The following FAM184A variants were observed in gnomAD, a reference collection of about 807,000 sequenced individuals.
FAM184A encodes the protein protein FAM184A.
In FAM184A, 99 loss-of-function variants were observed where a neutral mutation model predicts 143.8. The ratio of observed to expected loss-of-function variants is 0.69; its 90% CI spans 0.58 to 0.81. The LOEUF is 0.81. Ranked by LOEUF, FAM184A falls within the 40% of genes least tolerant of loss-of-function variation. FAM184A has a pLI of 0.00. For missense variants in FAM184A, 1,217 were observed against 1,310.5 expected (o/e 0.93, Z 1.10); for synonymous variants, 427 against 446.4 (o/e 0.96, Z 0.55).
At chr6:118,976,758 T>C (rs1783860159) in intron 11 of FAM184A, among the ~76,000 whole-genome samples, 1 of 151,880 alleles carries the variant, frequency 6.6e-6, no homozygotes, top group Non-Finnish European at 1.5e-5. Context: ...TCTTCAAAAA[T>C]ATCCCTAAAG....
intron 1 of FAM184A, among the ~76,000 whole-genome samples, chr6:119,095,604 G>A (rs1317672271): frequency 6.6e-6 from 1 of 152,056 alleles, no homozygotes. Context: ...TGTTGCCCAG[G>A]CTACAGTGCA....
intron 1 of FAM184A, among the ~76,000 whole-genome samples, chr6:119,111,260 CA>C (rs1213143985): frequency 3.9e-4 from 59 of 152,220 alleles, no homozygotes; most frequent in African/African-American, 1.4e-3. Flanking sequence ...AAGCCAATTA[CA>C]AAAAGATAAC....
At chr6:118,985,287 T>G (rs1309658333) in intron 9 of FAM184A, among the ~76,000 whole-genome samples, 1 of 152,206 alleles carries the variant, frequency 6.6e-6, no homozygotes, top group Non-Finnish European at 1.5e-5. Context: ...GGGCAGCTGA[T>G]GGGGACAGAC....
At chr6:118,970,136 T>C (rs1041817074) in intron 14 of FAM184A, among the ~76,000 whole-genome samples, 18 of 148,804 alleles carry the variant, frequency 1.2e-4, no homozygotes, top group Non-Finnish European at 2.1e-4. Flanking sequence ...CCCAAGTAGC[T>C]GGGATTACAA....
intron 1 of FAM184A, among the ~76,000 whole-genome samples, chr6:119,117,550 G>A (rs1021713629): frequency 6.6e-6 from 1 of 152,186 alleles, no homozygotes; most frequent in African/African-American, 2.4e-5. Context: ...TGTTGCTGCT[G>A]TCAGAGGCCC....
At chr6:119,064,473 G>A (rs1001622446) in intron 1 of FAM184A, among the ~76,000 whole-genome samples, 3 of 152,190 alleles carry the variant, frequency 2.0e-5, no homozygotes, top group Non-Finnish European at 4.4e-5. Flanking sequence ...GGCCAAGGCA[G>A]AAAGACAGCT....
chr6:119,088,148 G>C (rs1485302034), intron 1 of FAM184A, among the ~76,000 whole-genome samples: 1 of 152,046 alleles, frequency 6.6e-6, no homozygotes, highest in African/African-American at 2.4e-5. Flanking sequence ...AGATGAAAAA[G>C]GTCCAGAAAT....
intron 5 of FAM184A, among the ~76,000 whole-genome samples, chr6:119,012,070 C>G (rs543945005): frequency 1.4e-4 from 22 of 152,202 alleles, no homozygotes; most frequent in Admixed American, 1.2e-3. Flanking sequence ...TAACGTCTAG[C>G]TTGGCAGGGA....
At chr6:119,085,058 A>G (rs1211362311) in intron 1 of FAM184A, among the ~76,000 whole-genome samples, 1 of 152,154 alleles carries the variant, frequency 6.6e-6, no homozygotes, top group Non-Finnish European at 1.5e-5. Flanking sequence ...CCTTCTGCCC[A>G]TTGTCTTGGC....
chr6:118,985,369 G>A (rs1321829173), intron 9 of FAM184A, among the ~76,000 whole-genome samples: 1 of 152,218 alleles, frequency 6.6e-6, no homozygotes, highest in East Asian at 1.9e-4. Flanking sequence ...CTGACCTGCA[G>A]ATGTGGATGA....
chr6:118,983,418 G>T (rs1429687396), intron 9 of FAM184A, among the ~76,000 whole-genome samples: 14 of 152,036 alleles, frequency 9.2e-5, no homozygotes, highest in African/African-American at 3.4e-4. Context: ...GGCAATTTTG[G>T]TAAGTATTTT....
rs1178514708 is a variant in FAM184A, at chr6:118,974,501, T to C, written c.2842A>G (p.Lys948Glu). 5 of 1,612,984 alleles carry C rather than the reference T, an allele frequency of 3.1e-6. No homozygotes were observed. The highest frequency in any genetic ancestry group is 3.4e-6 in the Non-Finnish European group (4 of 1,179,402). The change falls in exon 14 of 18, where the codon AAA becomes GAA. Residue 948 changes from lysine to glutamate, a missense_variant. Lys to Glu is a moderately conservative substitution (Grantham distance 56). Transcript: ENST00000338891. ...DVMTADHLRE[K>E]NIMRADFNKT... ...TTAAAATCTGCCCGCATGATATTTT[T>C]CTCTCTGAGGTGGTCTGCTGTCATG...
At chr6:119,110,925 G>A (rs1008723496) in intron 1 of FAM184A, among the ~76,000 whole-genome samples, 1 of 152,156 alleles carries the variant, frequency 6.6e-6, no homozygotes, top group Admixed American at 6.6e-5. Flanking sequence ...AATATTTGCT[G>A]CCACCTGCAG....
intron 9 of FAM184A, among the ~76,000 whole-genome samples, chr6:118,984,158 A>ATATATATATATATATATATATTAATAT (rs1554265798): frequency 7.9e-6 from 1 of 126,968 alleles, no homozygotes; most frequent in Non-Finnish European, 1.6e-5. Flanking sequence ...TTAAAAAAAA[A>ATATATATATATATATATATATTAATAT]ATATATATAT....
Position 119,002,882 on chromosome 6 carries a change from T to C in FAM184A, c.2088+17A>G, listed in dbSNP as rs199684955. 18 of 1,597,078 alleles carry C rather than the reference T, an allele frequency of 1.1e-5. No individual in the cohort carries two copies. Among genetic ancestry groups the C allele is most frequent in the African/African-American group, 2.7e-5 (2 of 74,362 alleles). On this transcript the variant is annotated intron_variant, in intron 9 of 17. Transcript: ENST00000338891. ...TCAAGGGAGATGAAACTTCATCATG[T>C]ACACATTATTAATTACCTGGTTTAA...
At chr6:119,077,159 A>G (rs1787902776) in intron 1 of FAM184A, among the ~76,000 whole-genome samples, 1 of 152,026 alleles carries the variant, frequency 6.6e-6, no homozygotes, top group Non-Finnish European at 1.5e-5. Context: ...TCACTCTCTC[A>G]AAAGTGCCAA....
chr6:119,034,580 T>TTTA (rs1554270313), intron 1 of FAM184A, among the ~76,000 whole-genome samples: 2 of 148,272 alleles, frequency 1.3e-5, no homozygotes. Flanking sequence ...TTTTTTTTTT[T>TTTA]AAAAAAACCT....
At chr6:119,091,255 A>G (rs1788356855) in intron 1 of FAM184A, among the ~76,000 whole-genome samples, 1 of 152,196 alleles carries the variant, frequency 6.6e-6, no homozygotes, top group Non-Finnish European at 1.5e-5. Flanking sequence ...GAACATAGGA[A>G]GCACAAATTC....
chr6:119,061,584 C>T (rs891723989), intron 1 of FAM184A, among the ~76,000 whole-genome samples: 2 of 120,328 alleles, frequency 1.7e-5, no homozygotes, highest in Non-Finnish European at 3.2e-5. Flanking sequence ...CACTACGTTG[C>T]CCAGACTGGT....
Sources: allele counts gnomAD v4.1 joint callset (sites outside exome capture counted in the v4.1 genomes callset), GRCh38; gene constraint gnomAD v4.1.1; transcripts MANE v1.5; gene names NCBI Gene and HGNC (gene_info 2026-07-23, HGNC 2026-07-21).